The following MKKS variants were observed in gnomAD, a reference collection of about 807,000 sequenced individuals.
MKKS encodes molecular chaperone MKKS.
Under a neutral mutation model 33.2 loss-of-function variants are expected in MKKS, and 29 were observed. The ratio of observed to expected loss-of-function variants is 0.87; its 90% CI spans 0.65 to 1.19. The LOEUF (loss-of-function observed/expected upper bound fraction) is 1.19. Ranked by LOEUF, MKKS falls within the 50% of genes most tolerant of loss-of-function variation. The pLI is 0.00. For synonymous variants in MKKS, 260 were observed against 244.0 expected, an observed-to-expected ratio of 1.07 and a Z score of -0.61; for missense variants, 661 against 662.3, an observed-to-expected ratio of 1.00 and a Z score of 0.02.
intron 2 of MKKS, among the ~76,000 whole-genome samples, 197 bp from the exon 3 acceptor site, chr20:10,414,128 A>G (rs2064919045): frequency 6.6e-6 from 1 of 152,204 alleles, no homozygotes; most frequent in African/African-American, 2.4e-5. Context: ...CCCCTCTACA[A>G]GAAAAAGTGC....
chr20:10,408,826 T>C (rs767360992), intron 3 of MKKS, 23 bp from the exon 4 acceptor site: 1 of 1,587,112 alleles, frequency 6.3e-7, no homozygotes, highest in East Asian at 2.2e-5. Flanking sequence ...GATTAGAAAA[T>C]ACAAGTTGTA....
rs2064912419 is a variant in MKKS, at chr20:10,413,453, C to T, written c.62G>A (p.Arg21Lys). 1.2e-6 allele frequency: 2 copies of T among 1,613,908 alleles called. No individual in the cohort carries two copies. Among genetic ancestry groups the T allele is most frequent in the Non-Finnish European group, 1.7e-6 (2 of 1,179,892 alleles). ...CAAGACAGAAAGTGTGGTCCTGACT[C>T]TCTCAGTTGTCAGTGGTTCACTCTT... ...LCKSEPLTTE[R>K]VRTTLSVLKR... is the part of the protein sequence containing the mutation. Residue 21 changes from arginine (R) to lysine (K), a missense_variant, in exon 3 of 6, where the codon AGA (arginine) becomes AAA (lysine). Transcript: ENST00000347364.
chr20:10,421,707 T>C (rs1403751080), intron 1 of MKKS, among the ~76,000 whole-genome samples: 2 of 152,058 alleles, frequency 1.3e-5, no homozygotes, highest in Non-Finnish European at 2.9e-5. Flanking sequence ...TACAGGGTTA[T>C]CGACCTAGTT....
intron 3 of MKKS, among the ~76,000 whole-genome samples, chr20:10,411,437 C>T (rs2064886260): frequency 6.6e-6 from 1 of 152,096 alleles, no homozygotes; most frequent in Non-Finnish European, 1.5e-5. Context: ...AAAAATGAGT[C>T]TGGAAGACCC....
intron 1 of MKKS, among the ~76,000 whole-genome samples, chr20:10,427,079 CAA>C (rs1243096011): frequency 7.3e-6 from 1 of 137,360 alleles, no homozygotes; most frequent in Non-Finnish European, 1.6e-5. Flanking sequence ...CACACACACA[CAA>C]AGTAAGGTTA....
chr20:10,431,516 T>C (rs1181429421), intron 1 of MKKS, among the ~76,000 whole-genome samples: 1 of 145,386 alleles, frequency 6.9e-6, no homozygotes, highest in African/African-American at 2.7e-5. Flanking sequence ...CTCAATGCTG[T>C]ATAGGGTCAA....
Position 10,412,710 on chromosome 20 carries a change from C to T in MKKS, c.805G>A (p.Glu269Lys), listed in dbSNP as rs1477287619. Residue 269 changes from glutamate (E) to lysine (K), a missense_variant, in exon 3 of 6, where the codon GAA becomes AAA. Transcript: ENST00000347364. Reference sequence around the variant, plus strand: ...AGCAGCTGGTCCAAGACTGCATTTTCAAGAGAAACCCCATAACTGACCACC... The same window carrying T: ...AGCAGCTGGTCCAAGACTGCATTTTTAAGAGAAACCCCATAACTGACCACC... ...TVVVSYGVSLENAVLDQLLNL... is the reference protein window; with the variant it reads ...TVVVSYGVSLKNAVLDQLLNL... 1 of 1,614,062 alleles carries T rather than the reference C, an allele frequency of 6.2e-7. No individual in the cohort carries two copies. Among genetic ancestry groups the T allele is most frequent in the Non-Finnish European group, 8.5e-7 (1 of 1,180,040 alleles).
intron 1 of MKKS, among the ~76,000 whole-genome samples, chr20:10,433,500 A>G (rs2065070526): frequency 2.0e-5 from 3 of 152,214 alleles, no homozygotes; most frequent in African/African-American, 4.8e-5. Flanking sequence ...TGAAGATGTT[A>G]ATGAATGAAT....
intron 5 of MKKS, among the ~76,000 whole-genome samples, chr20:10,406,490 CTAGGAGCAATAGGCTATACCACATAGCT>C (rs1288624745): frequency 3.3e-5 from 5 of 152,134 alleles, no homozygotes; most frequent in Admixed American, 1.3e-4. Context: ...GGTTTGTAGC[CTAGGAGCAATAGGCTATACCACATAGCT>C]TAGGAGTGTG....
Position 10,405,160 on chromosome 20 carries a change from G to T in MKKS, c.*87C>A. ...GTCCAAATATGTAGAACAGGGCTTT[G>T]GGAGAAAACAAATACACTCACAATT... On this transcript the variant is annotated 3_prime_UTR_variant, in exon 6 of 6. Coordinates refer to ENST00000347364, the MANE Select transcript of MKKS (RefSeq NM_170784.3). The T allele has an allele frequency of 3.7e-6, 4 of 1,071,724 alleles. No individual in the cohort carries two copies. Among genetic ancestry groups the T allele is most frequent in the Non-Finnish European group, 5.4e-6 (4 of 747,178 alleles). 66.4% of individuals were successfully genotyped at this position (1,071,724 alleles called of 1,614,324 possible).
intron 2 of MKKS, among the ~76,000 whole-genome samples, chr20:10,418,766 C>CT (rs2064958916): frequency 6.6e-6 from 1 of 152,058 alleles, no homozygotes; most frequent in East Asian, 1.9e-4. Context: ...GTTAAGACAT[C>CT]TTTTTGTTCT....
chr20:10,427,241 G>A (rs1451689292), intron 1 of MKKS, among the ~76,000 whole-genome samples: 3 of 152,130 alleles, frequency 2.0e-5, no homozygotes, highest in Non-Finnish European at 4.4e-5. Flanking sequence ...TGGATGCAGG[G>A]AATGTTACAT....
Position 10,408,243 on chromosome 20 carries a change from C to A in MKKS, c.1161+385G>T, listed in dbSNP as rs1014101045. 2.6e-5 allele frequency among the ~76,000 whole-genome samples: 4 copies of A among 151,484 alleles called. No homozygotes were observed. In the East Asian group the frequency reaches 5.8e-4, roughly 22 times the overall value. On this transcript the variant is annotated intron_variant, in intron 4 of 5. Coordinates refer to ENST00000347364, the MANE Select transcript of MKKS (RefSeq NM_170784.3). ...TATCATTTCCCTTGTATAAAAGTTG[C>A]ATGTATTATTGCTGGCAGAGAACAG...
At position 10,405,201 on chromosome 20, in the gene MKKS, C is replaced by A. The variant is rs74703166; in HGVS notation, c.*46G>T. ...ACTCACAATTTTTCTCAATTGCCAACAGACTAGTTTATTTGTTTCTCTTGT... is the reference window on the plus strand; with the variant it reads ...ACTCACAATTTTTCTCAATTGCCAAAAGACTAGTTTATTTGTTTCTCTTGT... On this transcript the variant is annotated 3_prime_UTR_variant, in exon 6 of 6. Transcript: ENST00000347364. The A allele has an allele frequency of 4.2e-3, 6,246 of 1,479,124 alleles. 219 individuals carry two copies. The African/African-American group carries it at 0.079, about 19-fold the overall frequency. 91.6% of individuals were successfully genotyped at this position (1,479,124 alleles called of 1,614,324 possible).
intron 3 of MKKS, among the ~76,000 whole-genome samples, chr20:10,409,898 G>C (rs548149394): frequency 6.7e-5 from 10 of 149,946 alleles, no homozygotes; most frequent in Admixed American, 2.0e-4. Context: ...TTGAACCTGG[G>C]GGGCAGAGGT....
chr20:10,424,249 A>G (rs2064999828), intron 1 of MKKS, among the ~76,000 whole-genome samples: 1 of 151,808 alleles, frequency 6.6e-6, no homozygotes. Flanking sequence ...AAAAAAATAT[A>G]TATTAAATAA....
chr20:10,424,976 C>A (rs753539046), intron 1 of MKKS, among the ~76,000 whole-genome samples: 2 of 151,528 alleles, frequency 1.3e-5, no homozygotes, highest in Non-Finnish European at 2.9e-5. Flanking sequence ...TCACTTGAAC[C>A]TGGGAGGCGG....
intron 2 of MKKS, among the ~76,000 whole-genome samples, chr20:10,416,591 A>G (rs939045105): frequency 1.3e-5 from 2 of 152,226 alleles, no homozygotes; most frequent in African/African-American, 4.8e-5. Context: ...ACTCATTATT[A>G]TAAAAACCAA....
chr20:10,413,002 T>C lies in MKKS; in HGVS notation c.513A>G (p.Thr171=), dbSNP rs376269722. Residue 171 remains threonine, a synonymous_variant, in exon 3 of 6, where the codon ACA becomes ACG. Transcript: ENST00000347364. Reference sequence around the variant, plus strand: ...TCAGGATCAAAGCACTGACATGCTCTGTTTCCTTTCTGGTGAGCATACAGG... The same window carrying C: ...TCAGGATCAAAGCACTGACATGCTCCGTTTCCTTTCTGGTGAGCATACAGG... ...KPACMLTRKE[T]EHVSALILRA... 1.9e-6 allele frequency: 3 copies of C among 1,614,008 alleles called. No homozygotes were observed. Among genetic ancestry groups the C allele is most frequent in the Non-Finnish European group, 2.5e-6 (3 of 1,180,052 alleles).
Sources: gnomAD v4.1 joint callset for allele counts (sites outside exome capture counted in the v4.1 genomes callset) on GRCh38, gnomAD v4.1.1 for gene constraint, MANE v1.5 for transcripts, NCBI Gene and HGNC (gene_info 2026-07-23, HGNC 2026-07-21) for gene names.